Variants in UBA52 observed in about 807,000 individuals in gnomAD.
UBA52 encodes ubiquitin A-52 residue ribosomal protein fusion product 1.
UBA52 carries 1 observed loss-of-function variant against 15.3 expected under a neutral mutation model. The observed-to-expected ratio is 0.07, with a 90% CI of 0.02 to 0.31. The LOEUF is 0.31. Ranked by LOEUF, UBA52 falls within the 10% of genes least tolerant of loss-of-function variation. UBA52 has a pLI of 1.00. For missense variants in UBA52, 87 were observed against 168.0 expected (o/e 0.52, Z 2.66); for synonymous variants, 50 against 58.3 (o/e 0.86, Z 0.65).
chr19:18,564,425 T>C, the UBA52 span, among the ~76,000 whole-genome samples: 1 of 152,054 alleles, frequency 6.6e-6, no homozygotes, highest in Non-Finnish European at 1.5e-5. Context: ...ATCGAGACCA[T>C]CCTGGCTAAC....
upstream of UBA52, chr19:18,568,661 CAG>C (rs1975381751): frequency 1.3e-6 from 2 of 1,541,860 alleles, no homozygotes; most frequent in Non-Finnish European, 1.8e-6. Flanking sequence ...GAGGGGGTCT[CAG>C]GGCAGCAGCA....
chr19:18,566,125 C>A, the UBA52 span, among the ~76,000 whole-genome samples: 2 of 152,072 alleles, frequency 1.3e-5, no homozygotes, highest in Non-Finnish European at 2.9e-5. Flanking sequence ...GCCATCATGC[C>A]CAGCCTTGCA....
intron 3 of UBA52, among the ~76,000 whole-genome samples, chr19:18,574,430 A>G (rs1231286259): frequency 6.6e-6 from 1 of 151,494 alleles, no homozygotes; most frequent in Non-Finnish European, 1.5e-5. Flanking sequence ...CTGGGATTAC[A>G]GGCACCCGCC....
upstream of UBA52, chr19:18,568,296 A>G (rs1001754503): frequency 6.6e-6 from 5 of 756,794 alleles, no homozygotes; most frequent in Admixed American, 4.6e-5. Context: ...GTCAAGTCAT[A>G]CCCCCATGGG....
At chr19:18,568,882 G>T, upstream of UBA52, 1 of 522,370 alleles carries the variant, frequency 1.9e-6, no homozygotes, top group Non-Finnish European at 3.4e-6. Flanking sequence ...GCCCATTCCA[G>T]CTGGAGTCGT....
At chr19:18,574,727 A>C (rs1975697363) in intron 3 of UBA52, 143 bp from the exon 4 acceptor site, 2 of 1,045,472 alleles carry the variant, frequency 1.9e-6, no homozygotes, top group Non-Finnish European at 2.7e-6. Flanking sequence ...TATCTTCCAC[A>C]CGTAGAACAC....
chr19:18,572,920 C>T (rs1975575468), intron 1 of UBA52: 7 of 1,096,904 alleles, frequency 6.4e-6, no homozygotes, highest in Non-Finnish European at 7.8e-6. Context: ...AGGGTGGGAC[C>T]GCCTTCAGGG....
At chr19:18,574,760 C>T in intron 3 of UBA52, 110 bp from the exon 4 acceptor site, 1 of 1,354,928 alleles carries the variant, frequency 7.4e-7, no homozygotes, top group Admixed American at 2.2e-5. Context: ...GACTTGGTGT[C>T]CCCATCACAC....
intron 1 of UBA52, 191 bp from the exon 2 acceptor site, chr19:18,573,102 A>C: frequency 8.3e-7 from 1 of 1,197,698 alleles, no homozygotes; most frequent in Non-Finnish European, 1.1e-6. Flanking sequence ...ACATGTTTAG[A>C]CTACAGGCCA....
intron 3 of UBA52, among the ~76,000 whole-genome samples, chr19:18,574,639 G>A (rs183499550): frequency 7.2e-5 from 11 of 152,308 alleles, no homozygotes; most frequent in Non-Finnish European, 8.8e-5. Context: ...GTTGGCATGT[G>A]TCAGTCTCAG....
At chr19:18,564,973 C>A in the UBA52 span, 1 of 1,611,602 alleles carries the variant, frequency 6.2e-7, no homozygotes, top group East Asian at 2.2e-5. Flanking sequence ...CACACGAGGA[C>A]CCTAGTAGAG....
upstream of UBA52, chr19:18,568,360 T>G (rs1419010797): frequency 6.8e-7 from 1 of 1,467,698 alleles, no homozygotes; most frequent in East Asian, 2.3e-5. Flanking sequence ...TCACAGAGCT[T>G]GGCAAGGTGA....
At chr19:18,568,793 TG>T, upstream of UBA52, 6 of 601,644 alleles carry the variant, frequency 1.0e-5, no homozygotes, top group Admixed American at 3.0e-5. Flanking sequence ...GTGGAATTCC[TG>T]GGGGGGTCTT....
chr19:18,573,474 C>A, intron 2 of UBA52, 71 bp downstream of exon 2: 1 of 1,407,418 alleles, frequency 7.1e-7, no homozygotes, highest in Non-Finnish European at 1.0e-6. Flanking sequence ...GAGTCTCAGT[C>A]CTGTGTGGGT....
At chr19:18,571,149 AAAAAT>A (rs1975464725), upstream of UBA52, among the ~76,000 whole-genome samples, 1 of 151,546 alleles carries the variant, frequency 6.6e-6, no homozygotes, top group South Asian at 2.1e-4. Context: ...CGTCTCTACT[AAAAAT>A]ACAAAAGTGG....
chr19:18,573,856 T>C, intron 3 of UBA52, 108 bp downstream of exon 3: 1 of 1,056,246 alleles, frequency 9.5e-7, no homozygotes, highest in Non-Finnish European at 1.4e-6. Context: ...TTGTGTTTTG[T>C]TTAAAATAAT....
At chr19:18,569,794 G>A (rs1975418246), upstream of UBA52, among the ~76,000 whole-genome samples, 4 of 151,948 alleles carry the variant, frequency 2.6e-5, no homozygotes, top group South Asian at 8.3e-4. Flanking sequence ...AGCACTTTGG[G>A]AGGCCGAGGT....
chr19:18,566,220 G>A, the UBA52 span, among the ~76,000 whole-genome samples: 1 of 152,082 alleles, frequency 6.6e-6, no homozygotes, highest in African/African-American at 2.4e-5. Context: ...GGAGGCCGAG[G>A]CAGGCGGATC....
upstream of UBA52, among the ~76,000 whole-genome samples, chr19:18,570,457 CT>C (rs1447653201): frequency 6.6e-6 from 1 of 150,754 alleles, no homozygotes; most frequent in African/African-American, 2.4e-5. Flanking sequence ...CCTCTTTGAC[CT>C]TCCAAAGTGC....
Sources: gnomAD v4.1 joint callset for allele counts (sites outside exome capture counted in the v4.1 genomes callset) on GRCh38, gnomAD v4.1.1 for gene constraint, MANE v1.5 for transcripts, NCBI Gene and HGNC (gene_info 2026-07-23, HGNC 2026-07-21) for gene names.